Variants in CSMD1 observed in about 807,000 individuals in gnomAD.
CSMD1 encodes CUB and sushi domain-containing protein 1.
In CSMD1, 213 loss-of-function variants were observed where a neutral mutation model predicts 417.5. The observed-to-expected ratio is 0.51, with a 90% CI of 0.46 to 0.57. The LOEUF (loss-of-function observed/expected upper bound fraction) is 0.57, where lower values mean the gene tolerates loss of function less well. CSMD1 is among the 20% of genes least tolerant of loss of function. The pLI, the probability that CSMD1 is intolerant of heterozygous loss-of-function variation, is 0.00. For synonymous variants in CSMD1, 2,862 were observed against 1,736.8 expected, an observed-to-expected ratio of 1.65 and a Z score of -16.11; for missense variants, 6,923 against 4,529.7, an observed-to-expected ratio of 1.53 and a Z score of -15.17.
chr8:4,149,832 T>C (rs914658554), intron 3 of CSMD1, among the ~76,000 whole-genome samples: 1 of 152,238 alleles, frequency 6.6e-6, no homozygotes, highest in African/African-American at 2.4e-5. Context: ...CTTTAATTGG[T>C]TCATTCTCTT....
intron 1 of CSMD1, among the ~76,000 whole-genome samples, chr8:4,647,260 TA>T (rs1018234456): frequency 2.6e-4 from 38 of 143,950 alleles, no homozygotes; most frequent in South Asian, 8.7e-4. Context: ...TAATTTCTTC[TA>T]AAAAAAAAAA....
intron 1 of CSMD1, among the ~76,000 whole-genome samples, chr8:4,774,177 G>A (rs1464699861): frequency 1.3e-5 from 2 of 152,196 alleles, no homozygotes; most frequent in Non-Finnish European, 2.9e-5. Context: ...ACCAGCCTGG[G>A]TGACAGAGCG....
intron 25 of CSMD1, among the ~76,000 whole-genome samples, chr8:3,306,722 C>T (rs912379482): frequency 2.0e-5 from 3 of 152,018 alleles, no homozygotes; most frequent in Admixed American, 6.6e-5. Context: ...ACTGTGTGTC[C>T]ACTTCATTTT....
intron 7 of CSMD1, among the ~76,000 whole-genome samples, chr8:3,673,173 A>T (rs937732067): frequency 1.3e-5 from 2 of 152,214 alleles, no homozygotes; most frequent in African/African-American, 4.8e-5. Context: ...CATTAATGGG[A>T]CACAGAATCT....
chr8:4,947,166 A>G (rs922130800), intron 1 of CSMD1, among the ~76,000 whole-genome samples: 9 of 152,206 alleles, frequency 5.9e-5, no homozygotes, highest in African/African-American at 2.2e-4. Context: ...CAACAAAATA[A>G]AACAGAAAAA....
At chr8:4,935,619 C>G (rs1439680525) in intron 1 of CSMD1, among the ~76,000 whole-genome samples, 4 of 152,136 alleles carry the variant, frequency 2.6e-5, no homozygotes, top group Non-Finnish European at 5.9e-5. Flanking sequence ...CTCTCATTCT[C>G]CAAAATGTGG....
intron 3 of CSMD1, among the ~76,000 whole-genome samples, chr8:4,258,241 T>C (rs1393961481): frequency 7.0e-6 from 1 of 143,538 alleles, no homozygotes; most frequent in Non-Finnish European, 1.5e-5. Flanking sequence ...CAGCACACCC[T>C]ACCCCTTCCT....
At chr8:4,417,128 A>G (rs1796983916) in intron 3 of CSMD1, among the ~76,000 whole-genome samples, 1 of 152,016 alleles carries the variant, frequency 6.6e-6, no homozygotes, top group Non-Finnish European at 1.5e-5. Context: ...TATACACTTA[A>G]TTGCTGAGAC....
At chr8:4,694,560 T>G (rs1302064497) in intron 1 of CSMD1, among the ~76,000 whole-genome samples, 1 of 151,952 alleles carries the variant, frequency 6.6e-6, no homozygotes, top group Non-Finnish European at 1.5e-5. Flanking sequence ...AGACGGGGTT[T>G]CACCATATTA....
intron 1 of CSMD1, among the ~76,000 whole-genome samples, chr8:4,683,863 T>G (rs1280359618): frequency 6.6e-6 from 1 of 152,256 alleles, no homozygotes; most frequent in Non-Finnish European, 1.5e-5. Context: ...TCTGTTCATT[T>G]GGATCACTAA....
chr8:3,895,300 C>G lies in CSMD1; in HGVS notation c.818+102603G>C, dbSNP rs111461899. 8.6e-3 allele frequency among the ~76,000 whole-genome samples: 1,309 copies of G among 152,176 alleles called. 21 individuals carry two copies. The highest frequency in any genetic ancestry group is 0.03 in the African/African-American group (1,252 of 41,502). On this transcript the variant is annotated intron_variant, in intron 5 of 69. Transcript: ENST00000635120. ...TCTATTTAAATTATGTAAAGTAAAC[C>G]TATCTATGTTTATTAACATAGATTT...
chr8:3,758,007 A>G (rs549393380), intron 5 of CSMD1, among the ~76,000 whole-genome samples: 2 of 152,084 alleles, frequency 1.3e-5, no homozygotes, highest in African/African-American at 4.8e-5. Flanking sequence ...TCTGTCACCC[A>G]GGCTGGACTG....
rs200906530 is a variant in CSMD1, at chr8:4,652,657, T to TA, written c.86-15100dup. 3.2e-3 allele frequency among the ~76,000 whole-genome samples: 476 copies of TA among 150,860 alleles called. 1 individual carries two copies. The highest frequency in any genetic ancestry group is 6.8e-3 in the Middle Eastern group (2 of 294). ...CAGAGAGAGACTCTGTCTCAAAATT[T>TA]AAAAAAAAAGACAGATTCGCCACAG... On this transcript the variant is annotated intron_variant, in intron 1 of 69. Coordinates refer to ENST00000635120, the MANE Select transcript of CSMD1 (RefSeq NM_033225.6).
chr8:4,311,577 G>T (rs1307138935), intron 3 of CSMD1, among the ~76,000 whole-genome samples: 1 of 151,938 alleles, frequency 6.6e-6, no homozygotes, highest in African/African-American at 2.4e-5. Context: ...ATAAAACTGA[G>T]CCAGGTGTGG....
chr8:4,137,144 G>C (rs971728007), intron 3 of CSMD1, among the ~76,000 whole-genome samples: 1 of 152,178 alleles, frequency 6.6e-6, no homozygotes, highest in African/African-American at 2.4e-5. Context: ...ATTCATAACA[G>C]ATGCTGTAAA....
intron 14 of CSMD1, 98 bp downstream of exon 14, chr8:3,407,800 GT>G (rs2116904717): frequency 2.0e-6 from 2 of 1,004,090 alleles, no homozygotes; most frequent in Non-Finnish European, 2.9e-6. Context: ...AACCTCTGAA[GT>G]ATCAACCTTG....
At chr8:4,373,751 T>C (rs1379878472) in intron 3 of CSMD1, among the ~76,000 whole-genome samples, 1 of 152,228 alleles carries the variant, frequency 6.6e-6, no homozygotes, top group Non-Finnish European at 1.5e-5. Context: ...TGTGCCATCT[T>C]ATTATCAGGT....
At position 3,129,503 on chromosome 8, in the gene CSMD1, A is replaced by C. The variant is rs1024807104; in HGVS notation, c.6242-10916T>G. Among the ~76,000 whole-genome samples the C allele has an allele frequency of 2.0e-5, 3 of 151,776 alleles. No homozygotes were observed. In the South Asian group the frequency reaches 6.3e-4, roughly 32 times the overall value. ...AAAACTATGGAGCTGGGCCGGGTTCAGTGGCTCATGCCTGTAATCCCAGCA... is the reference window on the plus strand; with the variant it reads ...AAAACTATGGAGCTGGGCCGGGTTCCGTGGCTCATGCCTGTAATCCCAGCA... On this transcript the variant is annotated intron_variant, in intron 41 of 69. Transcript: ENST00000635120.
At chr8:3,521,893 T>C (rs1028339818) in intron 10 of CSMD1, among the ~76,000 whole-genome samples, 4 of 152,234 alleles carry the variant, frequency 2.6e-5, no homozygotes, top group African/African-American at 7.2e-5. Flanking sequence ...AAATTTTGTG[T>C]TGTCAATAAA....
Sources: gnomAD v4.1 joint callset for allele counts (sites outside exome capture counted in the v4.1 genomes callset) on GRCh38, gnomAD v4.1.1 for gene constraint, MANE v1.5 for transcripts, NCBI Gene and HGNC (gene_info 2026-07-23, HGNC 2026-07-21) for gene names.